CSMD2: variants seen among roughly 807,000 people sequenced by gnomAD.
CSMD2 encodes the protein CUB and Sushi multiple domains 2.
CSMD2 carries 130 observed loss-of-function variants against 398.5 expected under a neutral mutation model. The observed-to-expected ratio is 0.33, with a 90% CI of 0.28 to 0.38. The LOEUF is 0.38. Among genes scored for constraint, CSMD2 ranks in the 10% least tolerant of loss-of-function variants. The pLI is 1.00. For missense variants in CSMD2, 3,829 were observed against 4,764.9 expected, an observed-to-expected ratio of 0.80 and a Z score of 5.78; for synonymous variants, 1,828 against 1,908.5, an observed-to-expected ratio of 0.96 and a Z score of 1.10.
rs143860895 is a variant in CSMD2, at chr1:33,602,536, G to A, written c.6543C>T (p.Gly2181=). The A allele has an allele frequency of 3.8e-3, 6,070 of 1,599,124 alleles. 31 individuals carry two copies. Among genetic ancestry groups the A allele is most frequent in the Middle Eastern group, 6.5e-3 (39 of 5,958 alleles). Residue 2181 remains glycine (G), a synonymous_variant, in exon 43 of 71, where the codon GGC becomes GGT. Coordinates refer to ENST00000373381, the MANE Select transcript of CSMD2 (RefSeq NM_001281956.2). ...HPLPKCEVPC[G]GNITSSNGTV... is the part of the protein sequence containing the mutation. ...TGCCGTTGGAAGAAGTGATGTTCCCGCCACAAGGGACTGCCAGGGAGGGAA... is the reference window on the plus strand; with the variant it reads ...TGCCGTTGGAAGAAGTGATGTTCCCACCACAAGGGACTGCCAGGGAGGGAA...
intron 2 of CSMD2, among the ~76,000 whole-genome samples, chr1:34,037,134 T>A (rs1312627021): frequency 6.9e-6 from 1 of 144,062 alleles, no homozygotes; most frequent in African/African-American, 2.6e-5. Context: ...TAATAAGTTT[T>A]AAAAAATTAT....
chr1:33,788,134 C>T (rs1371413831), intron 12 of CSMD2, among the ~76,000 whole-genome samples: 1 of 152,024 alleles, frequency 6.6e-6, no homozygotes, highest in Non-Finnish European at 1.5e-5. Flanking sequence ...AACCAGAAGG[C>T]CCTCAGAACA....
At chr1:33,886,372 T>G (rs1641595773) in intron 5 of CSMD2, among the ~76,000 whole-genome samples, 1 of 152,066 alleles carries the variant, frequency 6.6e-6, no homozygotes, top group South Asian at 2.1e-4. Context: ...GGCGTACTGG[T>G]GTTGCAGAGA....
intron 26 of CSMD2, among the ~76,000 whole-genome samples, chr1:33,662,309 G>A (rs182926713): frequency 8.0e-4 from 122 of 152,180 alleles, no homozygotes; most frequent in African/African-American, 2.9e-3. Flanking sequence ...TCATAACCAT[G>A]CCCCAAGCCA....
intron 2 of CSMD2, among the ~76,000 whole-genome samples, chr1:34,047,699 G>C (rs563791837): frequency 1.3e-5 from 2 of 152,248 alleles, no homozygotes; most frequent in South Asian, 4.2e-4. Context: ...TGCATCCAGG[G>C]AACTTGATGC....
intron 1 of CSMD2, among the ~76,000 whole-genome samples, chr1:34,105,130 C>G (rs138032944): frequency 1.0e-3 from 153 of 152,310 alleles, no homozygotes; most frequent in Non-Finnish European, 1.7e-3. Context: ...AAGATGTGCA[C>G]TATTTTTTTT....
intron 53 of CSMD2, among the ~76,000 whole-genome samples, chr1:33,562,299 G>A (rs1421688658): frequency 1.3e-5 from 2 of 152,314 alleles, no homozygotes; most frequent in East Asian, 3.9e-4. Context: ...AAGCTGCTGC[G>A]ACCAGGTGTC....
At chr1:34,076,928 A>AAAATAT (rs1232288848) in intron 2 of CSMD2, among the ~76,000 whole-genome samples, 81 of 53,556 alleles carry the variant, frequency 1.5e-3, no homozygotes, top group African/African-American at 2.3e-3. Flanking sequence ...AAAAAAAAAA[A>AAAATAT]ATATATATAT....
chr1:33,992,602 C>T (rs1379050694), intron 3 of CSMD2, among the ~76,000 whole-genome samples: 1 of 151,356 alleles, frequency 6.6e-6, no homozygotes, highest in Non-Finnish European at 1.5e-5. Context: ...GGTGTGGTGG[C>T]TCACGCCTGT....
intron 3 of CSMD2, among the ~76,000 whole-genome samples, chr1:34,006,054 T>C (rs1421403003): frequency 6.6e-6 from 1 of 152,198 alleles, no homozygotes; most frequent in African/African-American, 2.4e-5. Flanking sequence ...AATTGACTGA[T>C]ATTGGCAATA....
At chr1:33,686,260 C>T (rs1205429935) in intron 25 of CSMD2, among the ~76,000 whole-genome samples, 2 of 152,190 alleles carry the variant, frequency 1.3e-5, no homozygotes, top group African/African-American at 2.4e-5. Context: ...CAAAACAAAA[C>T]CCTCCAGCTC....
chr1:33,735,578 A>G (rs898814623), intron 15 of CSMD2, among the ~76,000 whole-genome samples: 3 of 152,184 alleles, frequency 2.0e-5, no homozygotes, highest in Non-Finnish European at 4.4e-5. Context: ...GCATTAGGAC[A>G]GCAGAGTTAT....
At chr1:33,762,928 T>A (rs1025435298) in intron 13 of CSMD2, among the ~76,000 whole-genome samples, 19 of 152,128 alleles carry the variant, frequency 1.2e-4, no homozygotes, top group African/African-American at 4.6e-4. Flanking sequence ...AACATCAAGT[T>A]GTAATGTGGG....
At chr1:33,546,832 C>T (rs190526158) in intron 56 of CSMD2, among the ~76,000 whole-genome samples, 66 of 152,128 alleles carry the variant, frequency 4.3e-4, no homozygotes, top group African/African-American at 1.3e-3. Flanking sequence ...ATTTCTTAAC[C>T]GCCTAGCTTG....
At chr1:33,964,487 T>A (rs1027561100) in intron 3 of CSMD2, among the ~76,000 whole-genome samples, 2 of 152,228 alleles carry the variant, frequency 1.3e-5, no homozygotes, top group African/African-American at 4.8e-5. Flanking sequence ...AATAAGCAAC[T>A]GGAATAGGAC....
At chr1:33,881,914 T>G (rs1031270803) in intron 5 of CSMD2, among the ~76,000 whole-genome samples, 1 of 152,224 alleles carries the variant, frequency 6.6e-6, no homozygotes, top group Non-Finnish European at 1.5e-5. Flanking sequence ...TTAATCCCCA[T>G]GTGTTGTATC....
rs866063645 is a variant in CSMD2, at chr1:33,678,482, G to A, written c.4052+14448C>T. Among the ~76,000 whole-genome samples the A allele has an allele frequency of 8.5e-5, 13 of 152,190 alleles. 1 individual carries two copies. Among genetic ancestry groups the A allele is most frequent in the Middle Eastern group, 6.8e-3 (2 of 294 alleles). ...ACTGCAGGAACACAATAAACCCATC[G>A]CTGATGTGAGTCATGATGGTGGATC... is the stretch of plus-strand genomic sequence containing the variant. On this transcript the variant is annotated intron_variant, in intron 25 of 70. Transcript: ENST00000373381.
intron 47 of CSMD2, among the ~76,000 whole-genome samples, chr1:33,581,902 T>C (rs1638755905): frequency 6.6e-6 from 1 of 151,750 alleles, no homozygotes. Flanking sequence ...TTAAACAAAG[T>C]AGAGTCACCA....
chr1:33,829,643 C>G (rs1176553165), intron 6 of CSMD2, among the ~76,000 whole-genome samples: 1 of 152,198 alleles, frequency 6.6e-6, no homozygotes, highest in Non-Finnish European at 1.5e-5. Flanking sequence ...CTAGGAAGTG[C>G]TAGACAGTGG....
Sources: allele counts gnomAD v4.1 joint callset (sites outside exome capture counted in the v4.1 genomes callset), GRCh38; gene constraint gnomAD v4.1.1; transcripts MANE v1.5; gene names NCBI Gene and HGNC (gene_info 2026-07-23, HGNC 2026-07-21).